The following SPRED2 variants were observed in gnomAD, a reference collection of about 807,000 sequenced individuals.
SPRED2 encodes sprouty-related, EVH1 domain-containing protein 2.
SPRED2 carries 47 observed loss-of-function variants against 43.0 expected under a neutral mutation model. The ratio of observed to expected loss-of-function variants is 1.09; its 90% confidence interval spans 0.87 to 1.40. The LOEUF (loss-of-function observed/expected upper bound fraction) is 1.40, where lower values mean the gene tolerates loss of function less well. SPRED2 is among the 40% of genes most tolerant of loss of function. The pLI, the probability that SPRED2 is intolerant of heterozygous loss-of-function variation, is 0.00. For missense variants in SPRED2, 561 were observed against 586.4 expected, an observed-to-expected ratio of 0.96 and a Z score of 0.45; for synonymous variants, 225 against 225.7, an observed-to-expected ratio of 1.00 and a Z score of 0.03.
intron 4 of SPRED2, among the ~76,000 whole-genome samples, chr2:65,319,329 G>T (rs961981647): frequency 8.5e-5 from 13 of 152,234 alleles, no homozygotes; most frequent in African/African-American, 2.6e-4. Context: ...TTGACAGAGC[G>T]GTCAGAAAAG....
chr2:65,431,211 TCA>T (rs1161084425), intron 1 of SPRED2, among the ~76,000 whole-genome samples: 1 of 149,352 alleles, frequency 6.7e-6, no homozygotes, highest in Non-Finnish European at 1.5e-5. Context: ...GCGAGGACAC[TCA>T]CATACACACA....
At chr2:65,413,641 A>T (rs996931465) in intron 1 of SPRED2, among the ~76,000 whole-genome samples, 12 of 152,172 alleles carry the variant, frequency 7.9e-5, no homozygotes, top group African/African-American at 2.9e-4. Flanking sequence ...ATTCCACATC[A>T]AGCACACATC....
chr2:65,364,391 G>T (rs2104324139), intron 1 of SPRED2, among the ~76,000 whole-genome samples: 1 of 152,344 alleles, frequency 6.6e-6, no homozygotes, highest in Non-Finnish European at 1.5e-5. Flanking sequence ...CTTCCAAGTT[G>T]AATGATATGA....
intron 4 of SPRED2, among the ~76,000 whole-genome samples, chr2:65,320,601 C>T (rs1253460371): frequency 2.0e-5 from 3 of 152,194 alleles, no homozygotes; most frequent in Non-Finnish European, 4.4e-5. Flanking sequence ...TCTACTGCCT[C>T]CTGAGGGCAG....
At position 65,312,617 on chromosome 2, in the gene SPRED2, T is replaced by G; in HGVS notation, c.*884A>C. 2.0e-6 allele frequency: 2 copies of G among 985,826 alleles called. No individual in the cohort carries two copies. Among genetic ancestry groups the G allele is most frequent in the Non-Finnish European group, 2.4e-6 (2 of 829,874 alleles). 61.1% of individuals were successfully genotyped at this position (985,826 alleles called of 1,614,324 possible). On this transcript the variant is annotated 3_prime_UTR_variant, in exon 6 of 6. Coordinates refer to ENST00000356388, the MANE Select transcript of SPRED2 (RefSeq NM_181784.3). ...AGTATCCTATTCTAATATTGCTAAATTTTTAGAAGTGGTGGCAACACAATT... is the reference window on the plus strand; with the variant it reads ...AGTATCCTATTCTAATATTGCTAAAGTTTTAGAAGTGGTGGCAACACAATT...
At position 65,422,503 on chromosome 2, in the gene SPRED2, G is replaced by C. The variant is rs563267492; in HGVS notation, c.26+9459C>G. ...GCAGGCTAGGTGCTCTATATTTGCA[G>C]TAAGTGAATGGCACATGGTAGGCAT... On this transcript the variant is annotated intron_variant, in intron 1 of 5. Coordinates refer to ENST00000356388, the MANE Select transcript of SPRED2 (RefSeq NM_181784.3). 1.6e-4 allele frequency among the ~76,000 whole-genome samples: 24 copies of C among 152,292 alleles called. No individual in the cohort carries two copies. The South Asian group carries it at 5.0e-3, about 32-fold the overall frequency.
intron 1 of SPRED2, among the ~76,000 whole-genome samples, chr2:65,349,308 CAAAAAAAAAAAA>C (rs59019958): frequency 1.2e-5 from 1 of 83,698 alleles, no homozygotes; most frequent in Non-Finnish European, 2.3e-5. Context: ...GACTCTGTCT[CAAAAAAAAAAAA>C]AAAAAAAAAA....
intron 4 of SPRED2, among the ~76,000 whole-genome samples, chr2:65,327,725 T>C (rs1443618511): frequency 3.0e-5 from 4 of 133,468 alleles, no homozygotes; most frequent in African/African-American, 5.6e-5. Context: ...TTTTTTTTTT[T>C]TTTTTTTTTT....
chr2:65,388,761 C>T (rs144524149), intron 1 of SPRED2, among the ~76,000 whole-genome samples: 46 of 152,252 alleles, frequency 3.0e-4, no homozygotes, highest in African/African-American at 1.1e-3. Flanking sequence ...GTTGTGTTCA[C>T]GGATGTTTCC....
At chr2:65,334,906 T>G in intron 2 of SPRED2, 133 bp from the exon 3 acceptor site, 1 of 846,162 alleles carries the variant, frequency 1.2e-6, no homozygotes, top group Non-Finnish European at 1.9e-6. Flanking sequence ...CACATATCTG[T>G]GAGTCTCTCC....
At chr2:65,309,316 A>G (rs1673008698), downstream of SPRED2, among the ~76,000 whole-genome samples, 1 of 151,934 alleles carries the variant, frequency 6.6e-6, no homozygotes, top group Non-Finnish European at 1.5e-5. Context: ...AGCCTGGGCA[A>G]CAGTGAGACC....
intron 4 of SPRED2, among the ~76,000 whole-genome samples, chr2:65,327,924 A>T (rs771266419): frequency 6.6e-6 from 1 of 151,530 alleles, no homozygotes; most frequent in Non-Finnish European, 1.5e-5. Context: ...GGGTTTCACC[A>T]TGTTGGCCAG....
chr2:65,311,497 G>A lies in SPRED2; in HGVS notation c.*2004C>T. 1.0e-6 allele frequency: 1 copy of A among 985,876 alleles called. No homozygotes were observed. The highest frequency in any genetic ancestry group is 1.2e-6 in the Non-Finnish European group (1 of 829,946). 61.1% of individuals were successfully genotyped at this position (985,876 alleles called of 1,614,324 possible). A position where few individuals can be genotyped will look rare whatever the true frequency, so the allele number is the denominator to read the frequency against. ...AGGGGCACTTGAACTGAGGTCTAAG[G>A]AAACGAACATTAGTGTTGTGCTTTG... On this transcript the variant is annotated 3_prime_UTR_variant, in exon 6 of 6. Coordinates refer to ENST00000356388, the MANE Select transcript of SPRED2 (RefSeq NM_181784.3).
At chr2:65,420,209 C>CAAAAAAAAAAAAAAAAAAAAAAAAA (rs61448407) in intron 1 of SPRED2, among the ~76,000 whole-genome samples, 1 of 79,816 alleles carries the variant, frequency 1.3e-5, no homozygotes, top group Non-Finnish European at 2.4e-5. Context: ...GACTCTGTCT[C>CAAAAAAAAAAAAAAAAAAAAAAAAA]AAAAAAAAAA....
At chr2:65,310,608 G>C (rs1673043272), downstream of SPRED2, among the ~76,000 whole-genome samples, 1 of 152,122 alleles carries the variant, frequency 6.6e-6, no homozygotes, top group African/African-American at 2.4e-5. Context: ...AGGAAGAGGG[G>C]GTGTTCCTGG....
chr2:65,420,193 G>A (rs371441565), intron 1 of SPRED2, among the ~76,000 whole-genome samples: 158 of 124,364 alleles, frequency 1.3e-3, no homozygotes, highest in African/African-American at 4.9e-3. Flanking sequence ...CTGGGCAACA[G>A]AGCAAGACTC....
intron 1 of SPRED2, among the ~76,000 whole-genome samples, chr2:65,428,982 T>C (rs189135920): frequency 3.9e-5 from 6 of 152,322 alleles, no homozygotes; most frequent in Admixed American, 2.0e-4. Context: ...AATTTTAACA[T>C]GCATTTTTAT....
At chr2:65,345,102 A>G (rs946171661) in intron 1 of SPRED2, among the ~76,000 whole-genome samples, 2 of 152,198 alleles carry the variant, frequency 1.3e-5, no homozygotes, top group Non-Finnish European at 2.9e-5. Flanking sequence ...GTACATTTTA[A>G]AAAAGATAAG....
At position 65,400,626 on chromosome 2, in the gene SPRED2, A is replaced by G. The variant is rs144037448; in HGVS notation, c.26+31336T>C. Among the ~76,000 whole-genome samples the G allele has an allele frequency of 2.1e-4, 32 of 152,178 alleles. No individual in the cohort carries two copies. The East Asian group carries it at 6.2e-3, about 29-fold the overall frequency. ...AGGGCCTCAGTGTGTGGGCTGGGGT[A>G]TGGGGGTTCTTCCCTTCCTTTCTGT... is the stretch of plus-strand genomic sequence containing the variant. On this transcript the variant is annotated intron_variant, in intron 1 of 5. Transcript: ENST00000356388.
Sources: gnomAD v4.1 joint callset for allele counts (sites outside exome capture counted in the v4.1 genomes callset) on GRCh38, gnomAD v4.1.1 for gene constraint, MANE v1.5 for transcripts, NCBI Gene and HGNC (gene_info 2026-07-23, HGNC 2026-07-21) for gene names.